DPYSL5: variants seen among roughly 807,000 people sequenced by gnomAD.
The protein encoded by DPYSL5 is dihydropyrimidinase-related protein 5.
In DPYSL5, 9 loss-of-function variants were observed where a neutral mutation model predicts 58.4. The observed-to-expected ratio is 0.15, with a 90% CI of 0.09 to 0.27. DPYSL5 has a LOEUF of 0.27. Among genes scored for constraint, DPYSL5 ranks in the 10% least tolerant of loss-of-function variants. The pLI, the probability that DPYSL5 is intolerant of heterozygous loss-of-function variation, is 1.00. For missense variants in DPYSL5, 499 were observed against 770.6 expected, an observed-to-expected ratio of 0.65 and a Z score of 4.17; for synonymous variants, 293 against 301.9, an observed-to-expected ratio of 0.97 and a Z score of 0.31.
chr2:26,924,858 G>C lies in DPYSL5; in HGVS notation c.262-29G>C. Reference sequence around the variant, plus strand: ...TTGACTCGGGGGCAGGCAGGGCTGTGACGAGACTGCCTTTTCCCGTCTTCC... The same window carrying C: ...TTGACTCGGGGGCAGGCAGGGCTGTCACGAGACTGCCTTTTCCCGTCTTCC... On this transcript the variant is annotated intron_variant, in intron 2 of 12. Transcript: ENST00000288699. This position sits in a 1 kb window ranked among gnomAD's most constrained non-coding sequence, Gnocchi z 4.7. 6.2e-7 allele frequency: 1 copy of C among 1,606,910 alleles called. No individual in the cohort carries two copies. The highest frequency in any genetic ancestry group is 2.2e-5 in the East Asian group (1 of 44,790).
At chr2:26,883,949 G>C (rs1663640843) in intron 1 of DPYSL5, among the ~76,000 whole-genome samples, 1 of 152,158 alleles carries the variant, frequency 6.6e-6, no homozygotes, top group Non-Finnish European at 1.5e-5. Flanking sequence ...GCTGAGAAGA[G>C]CCCCCGCCCC....
chr2:26,931,148 A>AT lies in DPYSL5; in HGVS notation c.670-492_670-491insT, dbSNP rs1433919089. On this transcript the variant is annotated intron_variant, in intron 5 of 12. Transcript: ENST00000288699. ...AGTGAGACCCTATCTAAAAAAAAAA[A>AT]AAAAATATATATATATATATATGTG... Among the ~76,000 whole-genome samples the AT allele has an allele frequency of 2.0e-3, 79 of 39,348 alleles. 1 individual carries two copies. The highest frequency in any genetic ancestry group is 3.9e-3 in the Non-Finnish European group (65 of 16,820). The allele number at this position is 39,348 out of a possible 152,430, so 25.8% of individuals were successfully genotyped here.
intron 2 of DPYSL5, among the ~76,000 whole-genome samples, chr2:26,917,271 G>A (rs1310299120): frequency 6.6e-6 from 1 of 152,214 alleles, no homozygotes; most frequent in Non-Finnish European, 1.5e-5. Context: ...ATGTGGTAAA[G>A]GCTGTAGACC....
chr2:26,898,361 C>T lies in DPYSL5; in HGVS notation c.-4-135C>T, dbSNP rs1480049226. The T allele has an allele frequency of 1.6e-6, 2 of 1,264,362 alleles. No homozygotes were observed. The highest frequency in any genetic ancestry group is 2.2e-6 in the Non-Finnish European group (2 of 906,438). 78.3% of individuals were successfully genotyped at this position (1,264,362 alleles called of 1,614,324 possible). On this transcript the variant is annotated intron_variant, in intron 1 of 12. Coordinates refer to ENST00000288699, the MANE Select transcript of DPYSL5 (RefSeq NM_020134.4). The surrounding 1 kb of genome is among the most constrained non-coding windows in gnomAD (Gnocchi z 6.1). ...GCCAGTGGGAGGCTTGTGACTCCCG[C>T]TGGCTGTAGGGGAAAGTTCCTCCTC...
intron 1 of DPYSL5, among the ~76,000 whole-genome samples, chr2:26,896,806 T>C (rs1317775838): frequency 1.3e-5 from 2 of 152,258 alleles, no homozygotes; most frequent in Non-Finnish European, 2.9e-5. Context: ...AGTTTGCAAA[T>C]ATTTTCTCCC....
chr2:26,898,408 C>T lies in DPYSL5; in HGVS notation c.-4-88C>T. The stretch of plus-strand genomic sequence containing the variant: ...CCTCTTCTCTGCTCACTTACCCTGA[C>T]CATGGAATTTGGGCTTTGATAGGAG... On this transcript the variant is annotated intron_variant, in intron 1 of 12. Coordinates refer to ENST00000288699, the MANE Select transcript of DPYSL5 (RefSeq NM_020134.4). This position sits in a 1 kb window ranked among gnomAD's most constrained non-coding sequence, Gnocchi z 6.1. 6.5e-7 allele frequency: 1 copy of T among 1,548,296 alleles called. No homozygotes were observed. The highest frequency in any genetic ancestry group is 1.2e-5 in the South Asian group (1 of 80,616).
Position 26,942,877 on chromosome 2 carries a change from A to T in DPYSL5, c.1440+127A>T. 1 of 1,075,986 alleles carries T rather than the reference A, an allele frequency of 9.3e-7. No homozygotes were observed. The allele number at this position is 1,075,986 out of a possible 1,614,324, so 66.7% of individuals were successfully genotyped here. A position where few individuals can be genotyped will look rare whatever the true frequency, so the allele number is the denominator to read the frequency against. The stretch of plus-strand genomic sequence containing the variant: ...GACCCAATTCCATTGCACTTTCTCC[A>T]GCGTTGAGAGGGGAGTGTGCGGCAG... On this transcript the variant is annotated intron_variant, in intron 11 of 12. Coordinates refer to ENST00000288699, the MANE Select transcript of DPYSL5 (RefSeq NM_020134.4). The surrounding 1 kb of genome is among the most constrained non-coding windows in gnomAD (Gnocchi z 5.9).
intron 1 of DPYSL5, among the ~76,000 whole-genome samples, chr2:26,873,509 G>A (rs1280223833): frequency 6.6e-6 from 1 of 152,188 alleles, no homozygotes; most frequent in South Asian, 2.1e-4. Flanking sequence ...CAGGAATGCT[G>A]TTAAACATCT....
In DPYSL5 at chr2:26,942,000, C is replaced by T. The variant is rs759458186; in HGVS notation, c.1140C>T (p.Asn380=). The change falls in exon 10 of 13, where the codon AAC becomes AAT. Residue 380 remains asparagine (N), a synonymous_variant. Coordinates refer to ENST00000288699, the MANE Select transcript of DPYSL5 (RefSeq NM_020134.4). ...GTTTTGTGGCCGTTACCAGTTCCAACGCAGCTAAGCTTCTGAACCTGTATC... is the reference window on the plus strand; with the variant it reads ...GTTTTGTGGCCGTTACCAGTTCCAATGCAGCTAAGCTTCTGAACCTGTATC... The part of the protein sequence containing the change: ...ENRFVAVTSS[N]AAKLLNLYPR... 8.1e-6 allele frequency: 13 copies of T among 1,614,054 alleles called. No homozygotes were observed. In the East Asian group the frequency reaches 1.1e-4, roughly 14 times the overall value.
Position 26,934,083 on chromosome 2 carries a change from T to C in DPYSL5, c.791-495T>C, listed in dbSNP as rs1661291287. ...CCCTTGGAGGGTCTCGCCTAGACTG[T>C]CGTCCCAGCCTGGTGACTGCTCCCA... On this transcript the variant is annotated intron_variant, in intron 7 of 12. Transcript: ENST00000288699. The surrounding 1 kb of genome is among the most constrained non-coding windows in gnomAD (Gnocchi z 4.3). Among the ~76,000 whole-genome samples, 1 of 152,150 alleles carries C rather than the reference T, an allele frequency of 6.6e-6. No homozygotes were observed. The highest frequency in any genetic ancestry group is 6.6e-5 in the Admixed American group (1 of 15,266).
chr2:26,931,586 A>G, intron 5 of DPYSL5, 54 bp from the exon 6 acceptor site: 3 of 1,608,906 alleles, frequency 1.9e-6, no homozygotes, highest in Non-Finnish European at 2.6e-6. Flanking sequence ...TGGTGTGGGT[A>G]TCCTTGGAGG....
At chr2:26,881,045 G>C (rs966298696) in intron 1 of DPYSL5, among the ~76,000 whole-genome samples, 1 of 152,202 alleles carries the variant, frequency 6.6e-6, no homozygotes, top group Non-Finnish European at 1.5e-5. Flanking sequence ...GTGAGCTCTT[G>C]AGATGATGTG....
chr2:26,907,115 T>TATTC (rs1253915698), intron 2 of DPYSL5, among the ~76,000 whole-genome samples: 6 of 151,470 alleles, frequency 4.0e-5, no homozygotes, highest in Non-Finnish European at 8.8e-5. Flanking sequence ...TTTATTTATT[T>TATTC]ATTTATTTTA....
chr2:26,933,361 G>A lies in DPYSL5; in HGVS notation c.790+28G>A, dbSNP rs773172791. 1 of 1,607,836 alleles carries A rather than the reference G, an allele frequency of 6.2e-7. No homozygotes were observed. The highest frequency in any genetic ancestry group is 8.5e-7 in the Non-Finnish European group (1 of 1,174,906). On this transcript the variant is annotated intron_variant, in intron 7 of 12. Transcript: ENST00000288699. The surrounding 1 kb of genome is among the most constrained non-coding windows in gnomAD (Gnocchi z 4.2). ...GAGTCCATAGACTTGGCTGGACAGAGCAGGTCAAGTGGAGGGACTGGAGAT... is the reference window on the plus strand; with the variant it reads ...GAGTCCATAGACTTGGCTGGACAGAACAGGTCAAGTGGAGGGACTGGAGAT...
At chr2:26,883,290 T>C (rs1240813322) in intron 1 of DPYSL5, among the ~76,000 whole-genome samples, 1 of 152,218 alleles carries the variant, frequency 6.6e-6, no homozygotes, top group Non-Finnish European at 1.5e-5. Flanking sequence ...TTGTTTTTGT[T>C]TTGCCATGGT....
rs541274960 is a variant in DPYSL5 at position 26,849,521 on chromosome 2, G to A, written c.-5+1267G>A. 2.0e-5 allele frequency among the ~76,000 whole-genome samples: 3 copies of A among 152,280 alleles called. No individual in the cohort carries two copies. Among genetic ancestry groups the A allele is most frequent in the Non-Finnish European group, 4.4e-5 (3 of 68,010 alleles). On this transcript the variant is annotated intron_variant, in intron 1 of 12. Transcript: ENST00000288699. The surrounding 1 kb of genome is among the most constrained non-coding windows in gnomAD (Gnocchi z 6.2). ...GCTTGGTGAGGAGCTTTGTCTCCAG[G>A]CTTGAAACCAGCCGGTAGCGACTCG...
intron 2 of DPYSL5, among the ~76,000 whole-genome samples, chr2:26,899,636 G>A (rs1261611475): frequency 6.6e-6 from 1 of 152,136 alleles, no homozygotes; most frequent in African/African-American, 2.4e-5. Flanking sequence ...TGATGGACCA[G>A]CCCCACCTCA....
intron 1 of DPYSL5, among the ~76,000 whole-genome samples, chr2:26,892,912 GA>G (rs1186217678): frequency 6.6e-6 from 1 of 152,090 alleles, no homozygotes; most frequent in African/African-American, 2.4e-5. Context: ...TAGGTTTTAG[GA>G]CAAAAGATCC....
intron 1 of DPYSL5, among the ~76,000 whole-genome samples, chr2:26,895,777 T>C (rs1012788585): frequency 8.3e-5 from 11 of 132,848 alleles, no homozygotes; most frequent in South Asian, 2.6e-4. Context: ...TTCTTTTTCT[T>C]TTTTTTTTTT....
Sources: gnomAD v4.1 joint callset for allele counts (sites outside exome capture counted in the v4.1 genomes callset) on GRCh38, gnomAD v4.1.1 for gene constraint, Gnocchi (gnomAD v3.1) non-coding constraint, MANE v1.5 for transcripts, NCBI Gene and HGNC (gene_info 2026-07-23, HGNC 2026-07-21) for gene names.